The following ARMH1 variants were observed in gnomAD, a reference collection of about 807,000 sequenced individuals.
ARMH1 encodes armadillo like helical domain containing 1.
ARMH1 carries 34 observed loss-of-function variants against 50.2 expected under a neutral mutation model. The ratio of observed to expected loss-of-function variants is 0.68; its 90% CI spans 0.51 to 0.90. The LOEUF is 0.90. ARMH1 is among the 40% of genes least tolerant of loss of function. The pLI, the probability that ARMH1 is intolerant of heterozygous loss-of-function variation, is 0.00. For missense variants in ARMH1, 538 were observed against 553.9 expected (o/e 0.97, Z 0.29); for synonymous variants, 221 against 224.2 (o/e 0.99, Z 0.13).
At chr1:44,705,359 G>A (rs1003871518) in intron 6 of ARMH1, among the ~76,000 whole-genome samples, 3 of 152,052 alleles carry the variant, frequency 2.0e-5, no homozygotes, top group African/African-American at 7.2e-5. Context: ...CAGGGGTAGT[G>A]GCATGTGCCC....
chr1:44,722,792 G>C (rs1177146318), intron 6 of ARMH1, among the ~76,000 whole-genome samples: 3 of 151,002 alleles, frequency 2.0e-5, no homozygotes, highest in Admixed American at 1.3e-4. Context: ...GGGCCCAGTG[G>C]CTCATGCCTG....
At chr1:44,697,292 G>A (rs1291891213) in intron 3 of ARMH1, 122 bp downstream of exon 3, 3 of 763,428 alleles carry the variant, frequency 3.9e-6, no homozygotes, top group Non-Finnish European at 6.7e-6. Flanking sequence ...TGTAGCTCTT[G>A]GGATGGGCCC....
chr1:44,701,836 A>G (rs1032006266), intron 5 of ARMH1, among the ~76,000 whole-genome samples: 1 of 151,950 alleles, frequency 6.6e-6, no homozygotes, highest in Non-Finnish European at 1.5e-5. Flanking sequence ...GGCTGAGTTC[A>G]GAGGATGGCT....
chr1:44,692,239 A>G (rs1242772821), intron 2 of ARMH1, among the ~76,000 whole-genome samples: 1 of 152,122 alleles, frequency 6.6e-6, no homozygotes, highest in Non-Finnish European at 1.5e-5. Context: ...TGGGCGATGG[A>G]GCAAGACCTC....
intron 1 of ARMH1, among the ~76,000 whole-genome samples, chr1:44,688,833 C>T (rs1645560067): frequency 1.3e-5 from 2 of 152,306 alleles, no homozygotes; most frequent in South Asian, 2.1e-4. Flanking sequence ...TCCTACAAAC[C>T]ACAGCCCATT....
intron 10 of ARMH1, 108 bp from the exon 11 acceptor site, chr1:44,725,028 G>T: frequency 6.6e-7 from 1 of 1,524,342 alleles, no homozygotes; most frequent in South Asian, 1.3e-5. Context: ...TGCCCTTTCG[G>T]TCAGGCTGCC....
chr1:44,710,831 A>G (rs1346208912), intron 6 of ARMH1, among the ~76,000 whole-genome samples: 1 of 152,180 alleles, frequency 6.6e-6, no homozygotes, highest in Non-Finnish European at 1.5e-5. Context: ...GAAACCCTGA[A>G]TTCAGCGAGC....
intron 1 of ARMH1, among the ~76,000 whole-genome samples, chr1:44,685,966 A>G (rs1645459118): frequency 6.6e-6 from 1 of 152,148 alleles, no homozygotes; most frequent in African/African-American, 2.4e-5. Context: ...TACCCAGCCA[A>G]TCCAACATGT....
intron 5 of ARMH1, among the ~76,000 whole-genome samples, chr1:44,703,673 A>C (rs1646198239): frequency 6.8e-6 from 1 of 147,248 alleles, no homozygotes. Context: ...GGTTGCAGTG[A>C]GCCGAGATCG....
chr1:44,695,936 C>A (rs1352931476), intron 2 of ARMH1, among the ~76,000 whole-genome samples: 1 of 91,486 alleles, frequency 1.1e-5, no homozygotes, highest in Non-Finnish European at 2.2e-5. Flanking sequence ...CAGAGTGAGA[C>A]CCTATCTCAA....
chr1:44,677,458 T>G (rs972205552), intron 1 of ARMH1, among the ~76,000 whole-genome samples: 11 of 152,088 alleles, frequency 7.2e-5, no homozygotes, highest in African/African-American at 2.7e-4. Context: ...ATGAAGGGCC[T>G]TAGTATCTAA....
chr1:44,725,288 C>T lies in ARMH1; in HGVS notation c.1211-3C>T. Reference sequence around the variant, plus strand: ...GCCTCACGCCCGCCTTTCCTGCCTGCAGCCCTGTGCCTCCATGGCAGCTCC... The same window carrying T: ...GCCTCACGCCCGCCTTTCCTGCCTGTAGCCCTGTGCCTCCATGGCAGCTCC... On this transcript the variant is annotated splice_region_variant and splice_polypyrimidine_tract_variant and intron_variant, in intron 11 of 11. Coordinates refer to ENST00000535358, the MANE Select transcript of ARMH1 (RefSeq NM_001145636.2). 1 of 1,551,846 alleles carries T rather than the reference C, an allele frequency of 6.4e-7. No homozygotes were observed. Among genetic ancestry groups the T allele is most frequent in the Non-Finnish European group, 8.7e-7 (1 of 1,147,016 alleles).
chr1:44,685,954 T>C (rs1410883725), intron 1 of ARMH1, among the ~76,000 whole-genome samples: 2 of 152,146 alleles, frequency 1.3e-5, no homozygotes, highest in African/African-American at 2.4e-5. Flanking sequence ...CGCGGAGTTA[T>C]ATACCCAGCC....
chr1:44,724,787 T>A lies in ARMH1; in HGVS notation c.1076T>A (p.Val359Glu). 1 of 1,544,044 alleles carries A rather than the reference T, an allele frequency of 6.5e-7. No individual in the cohort carries two copies. Among genetic ancestry groups the A allele is most frequent in the Non-Finnish European group, 8.7e-7 (1 of 1,146,732 alleles). ...TGCTTCGTGCAGATGTTCCCCTTGG[T>A]GGCGGAGCACGTGCGCAAGTGCATG... The part of the protein sequence containing the change: ...LECFVQMFPL[V>E]AEHVRKCMGE... Residue 359 changes from valine (V) to glutamate (E), a missense_variant, in exon 10 of 12, where the codon GTG becomes GAG. Transcript: ENST00000535358. This position sits in a 1 kb window ranked among gnomAD's most constrained non-coding sequence, Gnocchi z 6.4.
At chr1:44,694,282 C>T (rs1645751960) in intron 2 of ARMH1, among the ~76,000 whole-genome samples, 2 of 152,084 alleles carry the variant, frequency 1.3e-5, no homozygotes, top group South Asian at 2.1e-4. Context: ...AATTAGCAAA[C>T]CCACTTCTCC....
At chr1:44,723,482 A>G (rs1454427984) in intron 6 of ARMH1, among the ~76,000 whole-genome samples, 2 of 152,176 alleles carry the variant, frequency 1.3e-5, no homozygotes, top group East Asian at 3.9e-4. Context: ...CTCCTTCCTA[A>G]CCAAATCCTC....
In ARMH1 at chr1:44,724,423, A is replaced by G; in HGVS notation, c.920+31A>G. The G allele has an allele frequency of 6.5e-7, 1 of 1,544,710 alleles. No individual in the cohort carries two copies. The highest frequency in any genetic ancestry group is 8.7e-7 in the Non-Finnish European group (1 of 1,145,370). On this transcript the variant is annotated intron_variant, in intron 8 of 11. Coordinates refer to ENST00000535358, the MANE Select transcript of ARMH1 (RefSeq NM_001145636.2). The surrounding 1 kb of genome is among the most constrained non-coding windows in gnomAD (Gnocchi z 6.4). ...CGGGCAGGGGTTAGTGGGTAGCTGC[A>G]GCAAGCCTGGCTTGGCGCTGCCGGC...
intron 6 of ARMH1, among the ~76,000 whole-genome samples, chr1:44,714,087 T>C (rs145117271): frequency 0.011 from 1,712 of 151,180 alleles, 30 homozygotes; most frequent in African/African-American, 0.04. Context: ...GCTAACACGA[T>C]GAAACCCTGT....
intron 4 of ARMH1, among the ~76,000 whole-genome samples, chr1:44,700,384 A>G (rs374936701): frequency 1.3e-5 from 2 of 152,230 alleles, no homozygotes; most frequent in East Asian, 3.9e-4. Flanking sequence ...TCGGGAGGCC[A>G]AGGTGGGCGC....
Sources: allele counts gnomAD v4.1 joint callset (sites outside exome capture counted in the v4.1 genomes callset), GRCh38; gene constraint gnomAD v4.1.1; non-coding constraint Gnocchi (gnomAD v3.1); transcripts MANE v1.5; gene names NCBI Gene and HGNC (gene_info 2026-07-23, HGNC 2026-07-21).